GPATCH2L: variants seen among roughly 807,000 people sequenced by gnomAD.
The protein encoded by GPATCH2L is G patch domain-containing protein 2-like.
In GPATCH2L, 31 loss-of-function variants were observed where a neutral mutation model predicts 57.4. The ratio of observed to expected loss-of-function variants is 0.54; its 90% CI spans 0.41 to 0.73. The LOEUF (loss-of-function observed/expected upper bound fraction) is 0.73. Among genes scored for constraint, GPATCH2L ranks in the 30% least tolerant of loss-of-function variants. The pLI, the probability that GPATCH2L is intolerant of heterozygous loss-of-function variation, is 0.00. For missense variants in GPATCH2L, 481 were observed against 599.9 expected, an observed-to-expected ratio of 0.80 and a Z score of 2.07; for synonymous variants, 199 against 210.7, an observed-to-expected ratio of 0.94 and a Z score of 0.48.
At chr14:76,219,300 C>G (rs2040503238), downstream of GPATCH2L, among the ~76,000 whole-genome samples, 1 of 152,088 alleles carries the variant, frequency 6.6e-6, no homozygotes, top group South Asian at 2.1e-4. Context: ...AGGAGATTAA[C>G]AGAGACATGT....
intron 1 of GPATCH2L, chr14:76,152,549 C>A: frequency 2.4e-6 from 1 of 416,308 alleles, no homozygotes; most frequent in Non-Finnish European, 4.8e-6. Flanking sequence ...CCCGTTCCTT[C>A]CTGTGCGTGA....
chr14:76,200,424 G>A (rs1331897442), intron 9 of GPATCH2L, among the ~76,000 whole-genome samples: 2 of 151,972 alleles, frequency 1.3e-5, no homozygotes. Context: ...ACAGTTTTTT[G>A]AAATTTATTA....
At chr14:76,159,988 C>G (rs1044148893) in intron 2 of GPATCH2L, among the ~76,000 whole-genome samples, 26 of 151,960 alleles carry the variant, frequency 1.7e-4, no homozygotes, top group African/African-American at 6.0e-4. Flanking sequence ...AAAAAATTAG[C>G]CTTGGCGTGG....
At chr14:76,197,040 C>T (rs1249075814) in intron 9 of GPATCH2L, among the ~76,000 whole-genome samples, 2 of 152,140 alleles carry the variant, frequency 1.3e-5, no homozygotes, top group Non-Finnish European at 2.9e-5. Context: ...CTAATCTTTG[C>T]AACAGCCTTA....
At chr14:76,183,275 G>A (rs1274064130) in intron 8 of GPATCH2L, among the ~76,000 whole-genome samples, 5 of 152,210 alleles carry the variant, frequency 3.3e-5, no homozygotes, top group Non-Finnish European at 7.3e-5. Flanking sequence ...GGTATGCTCA[G>A]CTCTAGGGTA....
rs770583626 is a variant in GPATCH2L at position 76,180,791 on chromosome 14, C to T, written c.1135C>T (p.Leu379=). 1.2e-6 allele frequency: 2 copies of T among 1,613,068 alleles called. No individual in the cohort carries two copies. Among genetic ancestry groups the T allele is most frequent in the East Asian group, 2.2e-5 (1 of 44,866 alleles). Residue 379 remains leucine, a synonymous_variant, in exon 8 of 10, where the codon CTG becomes TTG. Coordinates refer to ENST00000261530, the MANE Select transcript of GPATCH2L (RefSeq NM_017926.4). ...EFNPLSPLYS[L]DVLADASHRR... ...CAATCCCCTGTCTCCCCTTTACTCCCTGGATGTTCTTGCCGATGCTTCTCA... is the reference window on the plus strand; with the variant it reads ...CAATCCCCTGTCTCCCCTTTACTCCTTGGATGTTCTTGCCGATGCTTCTCA...
intron 2 of GPATCH2L, among the ~76,000 whole-genome samples, chr14:76,164,845 C>A (rs2038756129): frequency 6.6e-6 from 1 of 152,138 alleles, no homozygotes; most frequent in Non-Finnish European, 1.5e-5. Context: ...AGGCTTGATT[C>A]CTATGATAAT....
intron 8 of GPATCH2L, among the ~76,000 whole-genome samples, chr14:76,187,046 C>G (rs1230621501): frequency 6.8e-6 from 1 of 147,542 alleles, no homozygotes. Context: ...TTCTTTTCTT[C>G]CTATCTGCTC....
rs537992331 is a variant in GPATCH2L, at chr14:76,234,090, AC to A, written c.*117+4138del. On this transcript the variant is annotated intron_variant and NMD_transcript_variant, in intron 2 of 3. Coordinates refer to the GPATCH2L transcript ENST00000556372. ...GTGCCACTGCACTCCAACCTGGGCAACAGAGCAAGAACCTGTCTCTAAAAAA... is the reference window on the plus strand; with the variant it reads ...GTGCCACTGCACTCCAACCTGGGCAAAGAGCAAGAACCTGTCTCTAAAAAA... Among the ~76,000 whole-genome samples, 30 of 152,376 alleles carry A rather than the reference AC, an allele frequency of 2.0e-4. No homozygotes were observed. In the South Asian group the frequency reaches 6.0e-3, roughly 30 times the overall value.
intron 8 of GPATCH2L, among the ~76,000 whole-genome samples, chr14:76,192,738 C>T (rs1340134795): frequency 2.0e-5 from 3 of 152,056 alleles, no homozygotes; most frequent in Non-Finnish European, 4.4e-5. Context: ...AACAAAACTG[C>T]TTAGTAGAAA....
intron 2 of GPATCH2L, among the ~76,000 whole-genome samples, chr14:76,157,074 G>A (rs2038343271): frequency 6.6e-6 from 1 of 152,220 alleles, no homozygotes; most frequent in East Asian, 1.9e-4. Flanking sequence ...ATATGTAGAT[G>A]CTAAAGGGTT....
chr14:76,221,399 G>T (rs2040514542), intron 1 of GPATCH2L, among the ~76,000 whole-genome samples: 1 of 152,158 alleles, frequency 6.6e-6, no homozygotes, highest in Non-Finnish European at 1.5e-5. Flanking sequence ...TTAGCTAATG[G>T]GCATGAAAAA....
chr14:76,173,458 T>A, intron 4 of GPATCH2L, 88 bp from the exon 5 acceptor site: 1 of 760,198 alleles, frequency 1.3e-6, no homozygotes. Flanking sequence ...ATTAAGATCC[T>A]GGGGGTAAAG....
Position 76,154,429 on chromosome 14 carries a change from T to C in GPATCH2L, c.66T>C (p.Gly22=). ...LEQTSEQNKL[G]ELWEEMALSP... is the part of the protein sequence containing the mutation. ...AGACATCTGAGCAGAATAAGCTTGG[T>C]GAACTGTGGGAGGAGATGGCGCTGA... The change falls in exon 2 of 10, where the codon GGT becomes GGC. Residue 22 remains glycine (G), a synonymous_variant. Transcript: ENST00000261530. The surrounding 1 kb of genome is among the most constrained non-coding windows in gnomAD (Gnocchi z 4.4). 4.3e-6 allele frequency: 7 copies of C among 1,613,980 alleles called. No homozygotes were observed. The highest frequency in any genetic ancestry group is 2.2e-5 in the East Asian group (1 of 44,864).
Position 76,154,368 on chromosome 14 carries a change from A to T in GPATCH2L, c.5A>T (p.Asp2Val). 6.3e-7 allele frequency: 1 copy of T among 1,576,362 alleles called. No individual in the cohort carries two copies. The highest frequency in any genetic ancestry group is 8.7e-7 in the Non-Finnish European group (1 of 1,154,652). The change falls in exon 2 of 10, where the codon GAT (aspartate) becomes GTT (valine). Residue 2 changes from aspartate (D) to valine (V), a missense_variant. Asp to Val is a radical substitution (Grantham distance 152). This residue lies in a region of GPATCH2L where 208 missense variants were observed against 272.4 expected (regional missense o/e 0.76). Transcript: ENST00000261530. The surrounding 1 kb of genome is among the most constrained non-coding windows in gnomAD (Gnocchi z 4.4). M[D>V]ELVHDLASAL... ...CCTTTTGGCAGATGTGGCCTCATGG[A>T]TGAGCTGGTACACGACTTAGCCTCA...
At chr14:76,195,189 A>T (rs985985113) in intron 8 of GPATCH2L, among the ~76,000 whole-genome samples, 6 of 152,194 alleles carry the variant, frequency 3.9e-5, no homozygotes, top group Admixed American at 1.3e-4. Context: ...CTTAATTTGC[A>T]TACAGTACAA....
At chr14:76,197,891 T>C (rs993870537) in intron 9 of GPATCH2L, among the ~76,000 whole-genome samples, 13 of 152,198 alleles carry the variant, frequency 8.5e-5, no homozygotes, top group African/African-American at 1.2e-4. Flanking sequence ...CCCCTGTCAC[T>C]GTGATGAATT....
chr14:76,223,571 AATAG>A (rs1375190428), intron 1 of GPATCH2L, among the ~76,000 whole-genome samples: 1 of 152,230 alleles, frequency 6.6e-6, no homozygotes, highest in Non-Finnish European at 1.5e-5. Flanking sequence ...CTGAAGAAAA[AATAG>A]ATAAATAAGC....
At chr14:76,167,659 A>G (rs990672289) in intron 3 of GPATCH2L, among the ~76,000 whole-genome samples, 1 of 152,106 alleles carries the variant, frequency 6.6e-6, no homozygotes, top group Non-Finnish European at 1.5e-5. Context: ...ATCCTCCTGG[A>G]GTTGTTGAGC....
Sources: allele counts gnomAD v4.1 joint callset (sites outside exome capture counted in the v4.1 genomes callset), GRCh38; gene constraint gnomAD v4.1.1; regional missense constraint gnomAD v4.1.1; non-coding constraint Gnocchi (gnomAD v3.1); transcripts MANE v1.5; gene names NCBI Gene and HGNC (gene_info 2026-07-23, HGNC 2026-07-21).